The following TTC39C variants were observed in gnomAD, a reference collection of about 807,000 sequenced individuals.
TTC39C encodes the protein tetratricopeptide repeat protein 39C.
In TTC39C, 33 loss-of-function variants were observed where a neutral mutation model predicts 76.3. The ratio of observed to expected loss-of-function variants is 0.43; its 90% CI spans 0.33 to 0.58. The LOEUF is 0.58. Among genes scored for constraint, TTC39C ranks in the 20% least tolerant of loss-of-function variants. The pLI is 0.04. For synonymous variants in TTC39C, 254 were observed against 260.6 expected (o/e 0.97, Z 0.24); for missense variants, 595 against 701.4 (o/e 0.85, Z 1.71).
chr18:24,063,468 C>T (rs1172595906), intron 1 of TTC39C, among the ~76,000 whole-genome samples: 2 of 148,066 alleles, frequency 1.4e-5, no homozygotes, highest in East Asian at 3.9e-4. Context: ...TGAATAATAA[C>T]TGTCTTTCTT....
intron 1 of TTC39C, among the ~76,000 whole-genome samples, chr18:24,053,505 T>A (rs554657147): frequency 6.6e-6 from 1 of 152,352 alleles, no homozygotes; most frequent in Non-Finnish European, 1.5e-5. Flanking sequence ...TGCTGCAACA[T>A]CTTTGAATTA....
chr18:24,020,430 T>C (rs1042201952), intron 1 of TTC39C: 2 of 463,842 alleles, frequency 4.3e-6, no homozygotes, highest in Non-Finnish European at 5.7e-6. Context: ...CTTGTACAAA[T>C]ACACAATGCG....
chr18:24,015,252 C>G, intron 1 of TTC39C: 1 of 442,846 alleles, frequency 2.3e-6, no homozygotes, highest in South Asian at 6.5e-5. Flanking sequence ...TGTCCTTTCC[C>G]TCCCGGGACC....
rs544191770 is a variant in TTC39C at position 24,069,275 on chromosome 18, T to C, written c.460+4T>C. 1.2e-6 allele frequency: 2 copies of C among 1,608,956 alleles called. No individual in the cohort carries two copies. The highest frequency in any genetic ancestry group is 1.3e-5 in the African/African-American group (1 of 74,968). ...TTTGTAAAACAAGAATTGTCAGGTA[T>C]GCTGAAGCATTATTTTTAATGGTTT... On this transcript the variant is annotated splice_donor_region_variant and intron_variant, in intron 4 of 13. Coordinates refer to ENST00000317571, the MANE Select transcript of TTC39C (RefSeq NM_001135993.2).
upstream of TTC39C, among the ~76,000 whole-genome samples, chr18:24,012,522 C>T (rs141948479): frequency 6.5e-4 from 99 of 152,300 alleles, 2 homozygotes; most frequent in South Asian, 0.02. Flanking sequence ...AACATAGTGT[C>T]ATCAATTCCT....
chr18:24,114,117 C>T (rs2084857812), intron 6 of TTC39C: 1 of 266,678 alleles, frequency 3.7e-6, no homozygotes, highest in Non-Finnish European at 7.2e-6. Flanking sequence ...AATATGGTCC[C>T]TTCCCTTTCC....
At chr18:24,097,384 C>T (rs1445324939) in intron 6 of TTC39C, among the ~76,000 whole-genome samples, 1 of 152,208 alleles carries the variant, frequency 6.6e-6, no homozygotes, top group African/African-American at 2.4e-5. Context: ...CATTTCATCT[C>T]CTATTACAGT....
At chr18:24,112,380 T>C (rs1565083) in intron 6 of TTC39C, among the ~76,000 whole-genome samples, 145,170 of 152,316 alleles carry the variant, frequency 0.95, 69,494 homozygotes, top group East Asian at 1. Flanking sequence ...ATTTTGACTA[T>C]TAGTCAATTG....
upstream of TTC39C, among the ~76,000 whole-genome samples, chr18:24,012,467 C>A (rs918248653): frequency 3.3e-5 from 5 of 152,170 alleles, no homozygotes; most frequent in African/African-American, 1.2e-4. Flanking sequence ...ACTTTGCTCA[C>A]CCCTCCCCAC....
At chr18:24,087,314 T>C (rs1293045493) in intron 6 of TTC39C, among the ~76,000 whole-genome samples, 3 of 152,310 alleles carry the variant, frequency 2.0e-5, no homozygotes, top group African/African-American at 7.2e-5. Flanking sequence ...TTGTCTCTGC[T>C]CTTTCTTCTT....
intron 6 of TTC39C, among the ~76,000 whole-genome samples, chr18:24,089,001 G>T (rs537573631): frequency 2.8e-4 from 42 of 152,296 alleles, no homozygotes; most frequent in Admixed American, 7.2e-4. Context: ...TAAAGTTCCA[G>T]TTTCCATCAG....
chr18:24,116,831 T>G (rs945317322), intron 7 of TTC39C, among the ~76,000 whole-genome samples: 24 of 146,616 alleles, frequency 1.6e-4, no homozygotes, highest in African/African-American at 5.3e-4. Flanking sequence ...TTTTTTTTTT[T>G]TTTTTTTTTT....
rs559231476 is a variant in TTC39C at position 23,999,102 on chromosome 18, TTA to T, written c.-17+6066_-17+6067del. ...GTTCACAGTTCTGGTCTGTGCCAGTTTATGTGTTTGAGCCTCAGGTAAGTTGA... is the reference window on the plus strand; with the variant it reads ...GTTCACAGTTCTGGTCTGTGCCAGTTTGTGTTTGAGCCTCAGGTAAGTTGA... On this transcript the variant is annotated intron_variant, in intron 1 of 13. Transcript: ENST00000304621. Among the ~76,000 whole-genome samples the T allele has an allele frequency of 5.9e-5, 9 of 152,302 alleles. No individual in the cohort carries two copies. In the South Asian group the frequency reaches 1.9e-3, roughly 32 times the overall value.
At chr18:24,022,463 G>A (rs2083528551) in intron 1 of TTC39C, 1 of 619,862 alleles carries the variant, frequency 1.6e-6, no homozygotes, top group Non-Finnish European at 2.0e-6. Context: ...CAGCAGTAGT[G>A]GGGAGTGCTG....
intron 6 of TTC39C, among the ~76,000 whole-genome samples, chr18:24,107,518 TAGTG>T (rs1300000841): frequency 2.2e-4 from 34 of 152,246 alleles, no homozygotes; most frequent in Middle Eastern, 3.4e-3. Flanking sequence ...GTTCTCGTGA[TAGTG>T]AGTGAGTTCT....
rs906517550 is a variant in TTC39C, at chr18:24,102,691, C to T, written c.985-11863C>T. On this transcript the variant is annotated intron_variant, in intron 6 of 13. Transcript: ENST00000317571. ...CCTTCAGTGAGGCCTGGAGATTGTA[C>T]ACCTGGCCCACGAGGAAGGTTTGCC... is the stretch of plus-strand genomic sequence containing the variant. Among the ~76,000 whole-genome samples, 4 of 152,270 alleles carry T rather than the reference C, an allele frequency of 2.6e-5. No homozygotes were observed. In the East Asian group the frequency reaches 7.7e-4, roughly 29 times the overall value.
intron 4 of TTC39C, among the ~76,000 whole-genome samples, chr18:24,075,116 C>T (rs1220531221): frequency 1.3e-5 from 2 of 150,550 alleles, no homozygotes; most frequent in Non-Finnish European, 2.9e-5. Context: ...CACTTGGACA[C>T]AGGGTGGGGA....
intron 1 of TTC39C, among the ~76,000 whole-genome samples, chr18:23,998,368 A>T (rs191388125): frequency 2.0e-4 from 31 of 152,348 alleles, no homozygotes; most frequent in Non-Finnish European, 2.6e-4. Flanking sequence ...TCACGCCTGT[A>T]ATCACAGTGC....
intron 1 of TTC39C, among the ~76,000 whole-genome samples, chr18:24,028,130 G>T (rs1275067817): frequency 6.6e-6 from 1 of 151,874 alleles, no homozygotes. Flanking sequence ...TACTCCTCTT[G>T]AAATAGCATA....
Sources: allele counts gnomAD v4.1 joint callset (sites outside exome capture counted in the v4.1 genomes callset), GRCh38; gene constraint gnomAD v4.1.1; transcripts MANE v1.5; gene names NCBI Gene and HGNC (gene_info 2026-07-23, HGNC 2026-07-21).